Variants in TMCO4 observed in about 807,000 individuals in gnomAD.
TMCO4 encodes transmembrane and coiled-coil domain-containing protein 4.
In TMCO4, 58 loss-of-function variants were observed where a neutral mutation model predicts 64.7. That is an observed-to-expected ratio of 0.90 (90% CI 0.73 to 1.12). The LOEUF (loss-of-function observed/expected upper bound fraction) is 1.12. TMCO4 is among the 50% of genes most tolerant of loss of function. The pLI, the probability that TMCO4 is intolerant of heterozygous loss-of-function variation, is 0.00. For missense variants in TMCO4, 780 were observed against 825.9 expected, an observed-to-expected ratio of 0.94 and a Z score of 0.68; for synonymous variants, 325 against 346.1, an observed-to-expected ratio of 0.94 and a Z score of 0.68.
In TMCO4 at chr1:19,736,413, T is replaced by C. The variant is rs1214169195; in HGVS notation, c.1264+959A>G. Among the ~76,000 whole-genome samples, 3 of 152,034 alleles carry C rather than the reference T, an allele frequency of 2.0e-5. No homozygotes were observed. The East Asian group carries it at 5.8e-4, about 29-fold the overall frequency. On this transcript the variant is annotated intron_variant, in intron 13 of 15. Coordinates refer to ENST00000294543, the MANE Select transcript of TMCO4 (RefSeq NM_181719.7). ...AGATTTGGGTGAGGACACAACCAAA[T>C]CATATTAAGCTCCAATCCTTCTCTC...
chr1:19,755,884 A>C (rs1215397136), intron 6 of TMCO4, 118 bp from the exon 7 acceptor site: 1 of 1,174,354 alleles, frequency 8.5e-7, no homozygotes, highest in African/African-American at 1.5e-5. Context: ...ACCCCATGGG[A>C]GCCAGTCAAT....
chr1:19,780,353 A>G (rs2043406271), intron 4 of TMCO4, among the ~76,000 whole-genome samples: 1 of 152,198 alleles, frequency 6.6e-6, no homozygotes, highest in African/African-American at 2.4e-5. Flanking sequence ...GTCAGGCAGT[A>G]ATTCTCATTC....
At chr1:19,685,331 A>AAAAT (rs1553122680) in intron 15 of TMCO4, among the ~76,000 whole-genome samples, 1 of 151,426 alleles carries the variant, frequency 6.6e-6, no homozygotes, top group Non-Finnish European at 1.5e-5. Flanking sequence ...GTCTCCAGAA[A>AAAAT]AAACAAACAG....
At chr1:19,738,789 T>C (rs1041835875) in intron 12 of TMCO4, among the ~76,000 whole-genome samples, 8 of 152,196 alleles carry the variant, frequency 5.3e-5, no homozygotes, top group African/African-American at 1.7e-4. Flanking sequence ...CTTTTTTCCA[T>C]AGTAATTGAA....
intron 13 of TMCO4, among the ~76,000 whole-genome samples, chr1:19,709,775 AT>A (rs1205107867): frequency 7.0e-5 from 10 of 142,644 alleles, no homozygotes; most frequent in Non-Finnish European, 9.2e-5. Flanking sequence ...CTGGAATTCT[AT>A]TTTTTTTTCT....
intron 4 of TMCO4, among the ~76,000 whole-genome samples, chr1:19,778,939 C>T (rs2043334385): frequency 6.6e-6 from 1 of 152,074 alleles, no homozygotes; most frequent in South Asian, 2.1e-4. Context: ...AGAGATGGGT[C>T]GCTGGGCATA....
chr1:19,726,944 T>C (rs1255161031), intron 13 of TMCO4, among the ~76,000 whole-genome samples: 4 of 152,206 alleles, frequency 2.6e-5, no homozygotes, highest in South Asian at 2.1e-4. Flanking sequence ...TTCCCCCTCC[T>C]GTGGGGTGCA....
chr1:19,741,250 T>C (rs1215534588), intron 10 of TMCO4, among the ~76,000 whole-genome samples: 3 of 152,184 alleles, frequency 2.0e-5, no homozygotes, highest in African/African-American at 4.8e-5. Context: ...TCTCCCTTCA[T>C]AGGGTAGGTA....
rs1212424265 is a variant in TMCO4 at position 19,683,177 on chromosome 1, G to A, written c.1768C>T (p.Gln590Ter). Residue 590 changes from glutamine to a stop codon, truncating the protein, a stop_gained, in exon 16 of 16, where the codon CAG becomes TAG. Transcript: ENST00000294543. LOFTEE classifies it low-confidence loss of function (END_TRUNC). The stretch of plus-strand genomic sequence containing the variant: ...GCAGGAAGGGAGGCCCCTTCAGACT[G>A]GTCCAGCCCTACTGGCACCTGGGCT... ...SQAQVPVGLDQSEGASLPAAA... is the reference protein window; with the variant it reads ...SQAQVPVGLD 1 of 1,614,242 alleles carries A rather than the reference G, an allele frequency of 6.2e-7. No individual in the cohort carries two copies. The highest frequency in any genetic ancestry group is 1.1e-5 in the South Asian group (1 of 91,092).
At chr1:19,748,430 G>C (rs969481642) in intron 7 of TMCO4, among the ~76,000 whole-genome samples, 1 of 152,188 alleles carries the variant, frequency 6.6e-6, no homozygotes, top group Admixed American at 6.5e-5. Flanking sequence ...TCCTTGAGCA[G>C]AAAAATGTAT....
intron 6 of TMCO4, among the ~76,000 whole-genome samples, chr1:19,760,692 C>T (rs1382769791): frequency 2.6e-5 from 4 of 152,244 alleles, no homozygotes; most frequent in Non-Finnish European, 5.9e-5. Flanking sequence ...CCATTTAAAA[C>T]AACTATATAT....
At chr1:19,781,563 C>T (rs1398619815) in intron 3 of TMCO4, among the ~76,000 whole-genome samples, 1 of 151,530 alleles carries the variant, frequency 6.6e-6, no homozygotes, top group Non-Finnish European at 1.5e-5. Flanking sequence ...GACACTAACT[C>T]TCACCTATCA....
chr1:19,792,146 T>G (rs1163764287), intron 2 of TMCO4, among the ~76,000 whole-genome samples: 1 of 152,136 alleles, frequency 6.6e-6, no homozygotes, highest in African/African-American at 2.4e-5. Flanking sequence ...TTACCCAGTC[T>G]CGGGTACGTC....
Position 19,740,681 on chromosome 1 carries a change from G to A in TMCO4, c.1042+96C>T. The stretch of plus-strand genomic sequence containing the variant: ...GTTCCTAGGGTCCAGCACGGTGCCT[G>A]CCCTGGGGGCTTTGGGCATGCAAAA... On this transcript the variant is annotated intron_variant, in intron 11 of 15. Coordinates refer to ENST00000294543, the MANE Select transcript of TMCO4 (RefSeq NM_181719.7). 7.1e-7 allele frequency: 1 copy of A among 1,406,892 alleles called. No homozygotes were observed. The highest frequency in any genetic ancestry group is 9.7e-7 in the Non-Finnish European group (1 of 1,027,026). 87.2% of individuals were successfully genotyped at this position (1,406,892 alleles called of 1,614,324 possible).
intron 14 of TMCO4, among the ~76,000 whole-genome samples, chr1:19,696,104 C>T (rs535386659): frequency 6.6e-6 from 1 of 152,312 alleles, no homozygotes; most frequent in South Asian, 2.1e-4. Flanking sequence ...CTAGAACACC[C>T]ATCTGACCAC....
chr1:19,706,478 A>G (rs2095303891), intron 13 of TMCO4, among the ~76,000 whole-genome samples: 1 of 152,214 alleles, frequency 6.6e-6, no homozygotes, highest in African/African-American at 2.4e-5. Context: ...AGAGCCCTAT[A>G]TAGCTTTAGA....
At chr1:19,721,921 C>A (rs898842905) in intron 13 of TMCO4, among the ~76,000 whole-genome samples, 1 of 152,198 alleles carries the variant, frequency 6.6e-6, no homozygotes, top group Non-Finnish European at 1.5e-5. Flanking sequence ...GAGGGGCCAG[C>A]GGCCTCCCTG....
chr1:19,771,736 A>G (rs1331568157), intron 4 of TMCO4, among the ~76,000 whole-genome samples: 2 of 152,090 alleles, frequency 1.3e-5, no homozygotes, highest in Non-Finnish European at 1.5e-5. Context: ...GGCTCATCCC[A>G]ACCTCTGCCT....
In TMCO4 at chr1:19,732,119, T is replaced by A. The variant is rs2100795254; in HGVS notation, c.1264+5253A>T. Among the ~76,000 whole-genome samples the A allele has an allele frequency of 6.6e-6, 1 of 152,090 alleles. No homozygotes were observed. Among genetic ancestry groups the A allele is most frequent in the Middle Eastern group, 3.4e-3 (1 of 294 alleles). The stretch of plus-strand genomic sequence containing the variant: ...TCCCACAGAGAGAGCTGGCTACATG[T>A]CTGTGAATGTGCGCACACCTGCTGC... On this transcript the variant is annotated intron_variant, in intron 13 of 15. Transcript: ENST00000294543. The surrounding 1 kb of genome is among the most constrained non-coding windows in gnomAD (Gnocchi z 4.8).
Sources: gnomAD v4.1 joint callset for allele counts (sites outside exome capture counted in the v4.1 genomes callset) on GRCh38, gnomAD v4.1.1 for gene constraint, Gnocchi (gnomAD v3.1) non-coding constraint, MANE v1.5 for transcripts, NCBI Gene and HGNC (gene_info 2026-07-23, HGNC 2026-07-21) for gene names.